LIN28B: variants seen among roughly 807,000 people sequenced by gnomAD.
LIN28B encodes the protein lin-28 RNA binding posttranscriptional regulator B.
A neutral mutation model predicts 21.9 loss-of-function variants in LIN28B; 5 were observed. The ratio of observed to expected loss-of-function variants is 0.23; its 90% CI spans 0.12 to 0.48. The LOEUF (loss-of-function observed/expected upper bound fraction) is 0.48. LIN28B is among the 20% of genes least tolerant of loss of function. The pLI is 0.98. For missense variants in LIN28B, 245 were observed against 310.5 expected (o/e 0.79, Z 1.58); for synonymous variants, 109 against 111.3 (o/e 0.98, Z 0.13).
chr6:105,050,495 G>A (rs989814982), intron 3 of LIN28B, among the ~76,000 whole-genome samples: 36 of 151,014 alleles, frequency 2.4e-4, no homozygotes, highest in African/African-American at 8.2e-4. Context: ...CCAGCTACTC[G>A]GGAGGCTGAG....
At position 104,937,276 on chromosome 6, in the gene LIN28B, G is replaced by A. The variant is rs554047714; in HGVS notation, c.18+160G>A. 4.0e-5 allele frequency among the ~76,000 whole-genome samples: 6 copies of A among 151,754 alleles called. No homozygotes were observed. The East Asian group carries it at 1.2e-3, about 30-fold the overall frequency. ...AGCCTCCCCAAAAGCCGCAACCGCG[G>A]GCGCGCGCCACCACGCCCAGCTAGT... is the stretch of plus-strand genomic sequence containing the variant. On this transcript the variant is annotated intron_variant, in intron 2 of 5. Coordinates refer to the LIN28B transcript ENST00000635857.
At position 105,013,982 on chromosome 6, in the gene LIN28B, A is replaced by G. The variant is rs187615117; in HGVS notation, c.199-12316A>G. Among the ~76,000 whole-genome samples, 310 of 152,088 alleles carry G rather than the reference A, an allele frequency of 2.0e-3. 4 individuals are homozygous for G. Among genetic ancestry groups the G allele is most frequent in the Non-Finnish European group, 2.8e-3 (188 of 68,010 alleles). ...TGTGTTTCTACCTAAGGGTTTATCA[A>G]TTTTGTTGAAAGCACTGACTTTTAT... On this transcript the variant is annotated intron_variant, in intron 2 of 3. Coordinates refer to ENST00000345080, the MANE Select transcript of LIN28B (RefSeq NM_001004317.4).
chr6:105,078,902 CTG>C lies in LIN28B; in HGVS notation c.*122_*123del, dbSNP rs1772486064. On this transcript the variant is annotated 3_prime_UTR_variant, in exon 4 of 4. Coordinates refer to ENST00000345080, the MANE Select transcript of LIN28B (RefSeq NM_001004317.4). Reference sequence around the variant, plus strand: ...TGGGATTTTAACTACTATTGGGGAACTGTGAATTTTTTAAACAGACAAATCAC... The same window carrying C: ...TGGGATTTTAACTACTATTGGGGAACTGAATTTTTTAAACAGACAAATCAC... 1 of 1,214,790 alleles carries C rather than the reference CTG, an allele frequency of 8.2e-7. No homozygotes were observed. The highest frequency in any genetic ancestry group is 1.1e-6 in the Non-Finnish European group (1 of 877,166). The allele number at this position is 1,214,790 out of a possible 1,614,324, so 75.3% of individuals were successfully genotyped here. A position where few individuals can be genotyped will look rare whatever the true frequency, so the allele number is the denominator to read the frequency against.
intron 2 of LIN28B, among the ~76,000 whole-genome samples, chr6:104,946,804 A>G (rs1052130070): frequency 6.6e-6 from 1 of 152,190 alleles, no homozygotes; most frequent in African/African-American, 2.4e-5. Flanking sequence ...AATATTTATT[A>G]TAGTAAGTTG....
chr6:105,048,057 T>C (rs1307209127), intron 3 of LIN28B, among the ~76,000 whole-genome samples: 1 of 152,250 alleles, frequency 6.6e-6, no homozygotes, highest in Non-Finnish European at 1.5e-5. Flanking sequence ...AACACTGTGT[T>C]GAATAAGAGT....
intron 2 of LIN28B, among the ~76,000 whole-genome samples, chr6:105,022,901 A>G (rs1391883490): frequency 6.6e-6 from 1 of 151,964 alleles, no homozygotes; most frequent in Non-Finnish European, 1.5e-5. Flanking sequence ...GGTGATAGCA[A>G]TCCAATGAAG....
At chr6:105,056,114 ATCTTT>A (rs1045541381) in intron 3 of LIN28B, among the ~76,000 whole-genome samples, 3 of 151,298 alleles carry the variant, frequency 2.0e-5, no homozygotes, top group Non-Finnish European at 2.9e-5. Flanking sequence ...CATTATGTCC[ATCTTT>A]TCTTTTAAGT....
chr6:105,047,666 C>T lies in LIN28B; in HGVS notation c.383+21184C>T, dbSNP rs369234229. On this transcript the variant is annotated intron_variant, in intron 3 of 3. Transcript: ENST00000345080. ...TATCCATGAGCATGGAATGTTCTTC[C>T]GTTTGTTTGTGTCCTCTTTTATTTC... 1.4e-4 allele frequency among the ~76,000 whole-genome samples: 21 copies of T among 152,220 alleles called. No homozygotes were observed. The East Asian group carries it at 2.5e-3, about 18-fold the overall frequency.
chr6:105,035,651 T>C (rs2114356858), intron 3 of LIN28B, among the ~76,000 whole-genome samples: 1 of 152,316 alleles, frequency 6.6e-6, no homozygotes, highest in East Asian at 1.9e-4. Context: ...TCAGAAAAGT[T>C]TAATCACTAT....
intron 3 of LIN28B, chr6:105,045,803 A>T (rs1406307910): frequency 6.6e-6 from 1 of 152,180 alleles, no homozygotes; most frequent in Non-Finnish European, 1.5e-5. Flanking sequence ...TTCAAAGTCC[A>T]GTTGGTAGGA....
In LIN28B at chr6:105,053,074, T is replaced by G. The variant is rs562096601; in HGVS notation, c.384-25340T>G. Among the ~76,000 whole-genome samples, 3 of 152,258 alleles carry G rather than the reference T, an allele frequency of 2.0e-5. No individual in the cohort carries two copies. In the South Asian group the frequency reaches 6.2e-4, roughly 32 times the overall value. On this transcript the variant is annotated intron_variant, in intron 3 of 3. Transcript: ENST00000345080. ...ACAAATCTTAATTTATTTTTTCATT[T>G]TTATTTTCCTTGTGATTTCTTCTTT... is the stretch of plus-strand genomic sequence containing the variant.
At chr6:104,994,546 T>A (rs1770560331) in intron 2 of LIN28B, among the ~76,000 whole-genome samples, 1 of 152,190 alleles carries the variant, frequency 6.6e-6, no homozygotes, top group Non-Finnish European at 1.5e-5. Context: ...GTGACATAGA[T>A]CCTGTTGGGA....
chr6:105,017,244 A>G (rs1279122627), intron 2 of LIN28B, among the ~76,000 whole-genome samples: 1 of 152,134 alleles, frequency 6.6e-6, no homozygotes, highest in East Asian at 1.9e-4. Flanking sequence ...ACTGAAACTC[A>G]GTAATGTATA....
At chr6:105,001,337 A>G (rs1273864614) in intron 2 of LIN28B, among the ~76,000 whole-genome samples, 1 of 152,204 alleles carries the variant, frequency 6.6e-6, no homozygotes, top group African/African-American at 2.4e-5. Context: ...TATACTGAAG[A>G]TGACTGTCAG....
At chr6:105,057,257 T>C (rs1772038903) in intron 3 of LIN28B, among the ~76,000 whole-genome samples, 1 of 152,324 alleles carries the variant, frequency 6.6e-6, no homozygotes, top group East Asian at 1.9e-4. Flanking sequence ...CCATCACCTA[T>C]TAAAGGATCT....
chr6:104,996,718 G>A (rs1770613649), intron 2 of LIN28B, among the ~76,000 whole-genome samples: 1 of 152,168 alleles, frequency 6.6e-6, no homozygotes, highest in Non-Finnish European at 1.5e-5. Flanking sequence ...TAACCAGGTT[G>A]TGGTATGATG....
rs148532728 is a variant in LIN28B, at chr6:105,014,830, T to C, written c.199-11468T>C. 3.7e-3 allele frequency among the ~76,000 whole-genome samples: 561 copies of C among 152,140 alleles called. 3 individuals are homozygous for C. The highest frequency in any genetic ancestry group is 0.013 in the African/African-American group (542 of 41,566). On this transcript the variant is annotated intron_variant, in intron 2 of 3. Transcript: ENST00000345080. ...TCCTTCATAAATGGTTTTAGCTGCA[T>C]CCCACAAATTTTGATATGTTGTTTT...
chr6:105,077,767 G>A (rs946573313), intron 3 of LIN28B, among the ~76,000 whole-genome samples: 1 of 152,078 alleles, frequency 6.6e-6, no homozygotes, highest in South Asian at 2.1e-4. Context: ...TTACTCTATT[G>A]CTCTAAAATT....
intron 2 of LIN28B, among the ~76,000 whole-genome samples, chr6:104,981,259 G>A (rs1340811139): frequency 1.3e-5 from 2 of 151,838 alleles, no homozygotes; most frequent in South Asian, 2.1e-4. Flanking sequence ...CACTCTTTCT[G>A]GTGTTAAAAG....
Sources: gnomAD v4.1 joint callset for allele counts (sites outside exome capture counted in the v4.1 genomes callset) on GRCh38, gnomAD v4.1.1 for gene constraint, MANE v1.5 for transcripts, NCBI Gene and HGNC (gene_info 2026-07-23, HGNC 2026-07-21) for gene names.